Variants in CFAP299 observed in about 807,000 individuals in gnomAD.
CFAP299 encodes cilia- and flagella-associated protein 299.
Under a neutral mutation model 27.0 loss-of-function variants are expected in CFAP299, and 21 were observed. The ratio of observed to expected loss-of-function variants is 0.78; its 90% confidence interval spans 0.55 to 1.12. The LOEUF is 1.12. Among genes scored for constraint, CFAP299 ranks in the 50% most tolerant of loss-of-function variants. CFAP299 has a pLI of 0.00. For synonymous variants in CFAP299, 104 were observed against 98.1 expected (o/e 1.06, Z -0.36); for missense variants, 310 against 276.6 (o/e 1.12, Z -0.86).
chr4:80,333,674 C>T (rs1181018139), upstream of CFAP299, among the ~76,000 whole-genome samples: 1 of 152,142 alleles, frequency 6.6e-6, no homozygotes, highest in Non-Finnish European at 1.5e-5. Context: ...ACATATGTTT[C>T]CTCTTTCCTA....
At chr4:80,784,665 G>A (rs1560750437) in intron 3 of CFAP299, among the ~76,000 whole-genome samples, 1 of 151,942 alleles carries the variant, frequency 6.6e-6, no homozygotes, top group Non-Finnish European at 1.5e-5. Context: ...TTACAGGCAT[G>A]TGCCACCACG....
chr4:80,538,609 T>C (rs143694857), intron 2 of CFAP299, among the ~76,000 whole-genome samples: 198 of 151,782 alleles, frequency 1.3e-3, no homozygotes, highest in African/African-American at 4.3e-3. Context: ...AGTTTAGATA[T>C]GTTTAAATAC....
intron 2 of CFAP299, among the ~76,000 whole-genome samples, chr4:80,556,483 C>G (rs1734790411): frequency 6.6e-6 from 1 of 151,900 alleles, no homozygotes. Flanking sequence ...AATCCTGGAA[C>G]ACATATGAAC....
intron 2 of CFAP299, among the ~76,000 whole-genome samples, chr4:80,542,669 C>T (rs958769805): frequency 1.3e-5 from 2 of 152,138 alleles, no homozygotes; most frequent in South Asian, 2.1e-4. Flanking sequence ...AGAGTCTCTG[C>T]CTGGCTGTGC....
intron 3 of CFAP299, among the ~76,000 whole-genome samples, chr4:80,848,668 A>G (rs1158756330): frequency 6.6e-6 from 1 of 152,060 alleles, no homozygotes; most frequent in Non-Finnish European, 1.5e-5. Flanking sequence ...TCCTAGCTAC[A>G]TGAGAGGCTG....
chr4:80,612,222 C>T (rs2109918573), intron 3 of CFAP299, among the ~76,000 whole-genome samples: 1 of 152,108 alleles, frequency 6.6e-6, no homozygotes, highest in South Asian at 2.1e-4. Flanking sequence ...CCATTTCTTA[C>T]ATTCTGTCTT....
At chr4:80,424,758 C>T (rs1341420571) in intron 2 of CFAP299, among the ~76,000 whole-genome samples, 2 of 152,202 alleles carry the variant, frequency 1.3e-5, no homozygotes, top group Admixed American at 6.5e-5. Flanking sequence ...GGAATCTTCA[C>T]ATTCACTGAC....
intron 4 of CFAP299, among the ~76,000 whole-genome samples, chr4:80,902,720 G>A (rs906235050): frequency 3.3e-5 from 5 of 150,566 alleles, no homozygotes; most frequent in African/African-American, 1.2e-4. Flanking sequence ...ATTGTTTCAA[G>A]ATAACATCAT....
chr4:80,330,571 C>A, the CFAP299 span, among the ~76,000 whole-genome samples: 1 of 152,164 alleles, frequency 6.6e-6, no homozygotes, highest in Non-Finnish European at 1.5e-5. Context: ...AGCTCCCCAT[C>A]TCAGTACTTC....
At chr4:80,941,720 A>G (rs1029357316) in intron 4 of CFAP299, among the ~76,000 whole-genome samples, 19 of 152,210 alleles carry the variant, frequency 1.2e-4, no homozygotes, top group African/African-American at 4.6e-4. Flanking sequence ...TGCAAACTGT[A>G]CAGGAAGCAT....
At chr4:80,545,629 C>T (rs1734189764) in intron 2 of CFAP299, among the ~76,000 whole-genome samples, 1 of 152,038 alleles carries the variant, frequency 6.6e-6, no homozygotes, top group African/African-American at 2.4e-5. Context: ...AAAAAAAGTC[C>T]TGGACCAGAT....
At chr4:80,932,281 TA>T (rs1736662789) in intron 4 of CFAP299, among the ~76,000 whole-genome samples, 2 of 152,162 alleles carry the variant, frequency 1.3e-5, no homozygotes, top group Non-Finnish European at 2.9e-5. Context: ...TTCCAACCAT[TA>T]TCTGTATTTT....
At chr4:80,508,955 A>G (rs1036995315) in intron 2 of CFAP299, among the ~76,000 whole-genome samples, 1 of 152,142 alleles carries the variant, frequency 6.6e-6, no homozygotes, top group African/African-American at 2.4e-5. Context: ...GATATGATGG[A>G]GAACACTTTT....
intron 3 of CFAP299, among the ~76,000 whole-genome samples, chr4:80,788,019 C>T (rs993420648): frequency 6.6e-6 from 1 of 151,928 alleles, no homozygotes; most frequent in Admixed American, 6.6e-5. Context: ...CAGATTCCTG[C>T]GACTCACTCT....
chr4:80,530,439 A>G (rs1158517914), intron 2 of CFAP299, among the ~76,000 whole-genome samples: 2 of 152,150 alleles, frequency 1.3e-5, no homozygotes, highest in Admixed American at 1.3e-4. Flanking sequence ...GTTATGCTAC[A>G]AGCCATTTTA....
At chr4:80,589,571 T>C (rs1445462969) in intron 3 of CFAP299, among the ~76,000 whole-genome samples, 1 of 152,114 alleles carries the variant, frequency 6.6e-6, no homozygotes, top group Non-Finnish European at 1.5e-5. Context: ...TGACAAAGCA[T>C]TTGTATCAAT....
In CFAP299 at chr4:80,606,874, T is replaced by G. The variant is rs1737706447; in HGVS notation, c.333+23691T>G. Among the ~76,000 whole-genome samples the G allele has an allele frequency of 2.6e-5, 4 of 152,214 alleles. No homozygotes were observed. The South Asian group carries it at 8.3e-4, about 32-fold the overall frequency. ...AAAAAACTAAGATTTTTATTTTTCT[T>G]TTGTGAGTGATTTCCTGTAAGATAA... is the stretch of plus-strand genomic sequence containing the variant. On this transcript the variant is annotated intron_variant, in intron 3 of 5. Coordinates refer to ENST00000358105, the MANE Select transcript of CFAP299 (RefSeq NM_152770.3).
chr4:80,374,045 C>G (rs1038898944), intron 2 of CFAP299, among the ~76,000 whole-genome samples: 2 of 152,142 alleles, frequency 1.3e-5, no homozygotes, highest in Non-Finnish European at 2.9e-5. Context: ...GAAATTTAGG[C>G]CTTTGAACTG....
intron 2 of CFAP299, among the ~76,000 whole-genome samples, chr4:80,395,146 T>C (rs1282411975): frequency 6.6e-6 from 1 of 152,006 alleles, no homozygotes; most frequent in Non-Finnish European, 1.5e-5. Context: ...ATCTCATTGG[T>C]TATTTCTATG....
Sources: gnomAD v4.1 joint callset for allele counts (sites outside exome capture counted in the v4.1 genomes callset) on GRCh38, gnomAD v4.1.1 for gene constraint, MANE v1.5 for transcripts, NCBI Gene and HGNC (gene_info 2026-07-23, HGNC 2026-07-21) for gene names.